Variants in WWC2 observed in about 807,000 individuals in gnomAD.
WWC2 encodes protein WWC2.
Under a neutral mutation model 138.5 loss-of-function variants are expected in WWC2, and 101 were observed. That is an observed-to-expected ratio of 0.73 (90% confidence interval 0.62 to 0.86). WWC2 has a LOEUF of 0.86. Among genes scored for constraint, WWC2 ranks in the 40% least tolerant of loss-of-function variants. The probability of loss-of-function intolerance (pLI) is 0.00; values close to 1 mark genes in which losing one functional copy is unlikely to be tolerated. For synonymous variants in WWC2, 558 were observed against 538.4 expected (o/e 1.04, Z -0.50); for missense variants, 1,420 against 1,419.4 (o/e 1.00, Z -0.01).
chr4:183,244,847 T>C (rs1004850986), intron 5 of WWC2, among the ~76,000 whole-genome samples: 1 of 152,034 alleles, frequency 6.6e-6, no homozygotes, highest in African/African-American at 2.4e-5. Flanking sequence ...TTGATAAGGT[T>C]TGGGTTCAGC....
At chr4:183,201,237 A>T (rs1735287616) in intron 2 of WWC2, among the ~76,000 whole-genome samples, 1 of 150,966 alleles carries the variant, frequency 6.6e-6, no homozygotes, top group Non-Finnish European at 1.5e-5. Context: ...TCCATCCTGT[A>T]CATCTCTTGT....
intron 2 of WWC2, among the ~76,000 whole-genome samples, chr4:183,207,159 G>C (rs965628131): frequency 2.0e-5 from 3 of 149,562 alleles, no homozygotes; most frequent in African/African-American, 7.4e-5. Context: ...ACCGTGCCTG[G>C]GTTGCATCCA....
At chr4:183,302,611 G>T (rs1738883499) in intron 21 of WWC2, among the ~76,000 whole-genome samples, 1 of 152,154 alleles carries the variant, frequency 6.6e-6, no homozygotes, top group Non-Finnish European at 1.5e-5. Context: ...TGAGAATTGG[G>T]AGGGAAAGTG....
intron 1 of WWC2, among the ~76,000 whole-genome samples, chr4:183,148,065 A>G (rs1193531039): frequency 6.6e-6 from 1 of 152,172 alleles, no homozygotes; most frequent in Admixed American, 6.5e-5. Context: ...ATTAAAGCCA[A>G]CCTTATACTC....
intron 15 of WWC2, chr4:183,269,692 A>G (rs958511657): frequency 2.8e-6 from 1 of 353,432 alleles, no homozygotes; most frequent in Non-Finnish European, 5.6e-6. Context: ...TCACTGTTAC[A>G]AATTAAAATT....
At chr4:183,296,790 G>A (rs1580161106) in intron 21 of WWC2, among the ~76,000 whole-genome samples, 1 of 151,748 alleles carries the variant, frequency 6.6e-6, no homozygotes, top group Admixed American at 6.6e-5. Flanking sequence ...AAAAATTAGC[G>A]AGGCATGGTG....
intron 1 of WWC2, among the ~76,000 whole-genome samples, chr4:183,112,332 A>T (rs1256725944): frequency 6.6e-6 from 1 of 152,192 alleles, no homozygotes; most frequent in Non-Finnish European, 1.5e-5. Flanking sequence ...ATTCTAAGTT[A>T]TTTGAGAATA....
intron 1 of WWC2, among the ~76,000 whole-genome samples, chr4:183,149,576 C>G (rs540746586): frequency 6.6e-6 from 1 of 150,498 alleles, no homozygotes; most frequent in African/African-American, 2.4e-5. Context: ...GAGCCAAGAT[C>G]GCGCCATTGC....
At chr4:183,273,373 C>T (rs955715328) in intron 16 of WWC2, among the ~76,000 whole-genome samples, 3 of 152,092 alleles carry the variant, frequency 2.0e-5, no homozygotes, top group Admixed American at 6.5e-5. Flanking sequence ...GGCATAATCT[C>T]GGCTAACCAC....
rs1739495558 is a variant in WWC2, at chr4:183,318,035, A to G, written c.*2306A>G. ...ACTAACCCAAATGATTCACAGTGAC[A>G]AAACATTTTAATAACTTGATCACAA... is the stretch of plus-strand genomic sequence containing the variant. On this transcript the variant is annotated 3_prime_UTR_variant, in exon 23 of 23. Coordinates refer to ENST00000403733, the MANE Select transcript of WWC2 (RefSeq NM_024949.6). 6.6e-6 allele frequency: 1 copy of G among 152,222 alleles called. No homozygotes were observed. The highest frequency in any genetic ancestry group is 1.5e-5 in the Non-Finnish European group (1 of 68,020). The allele number at this position is 152,222 out of a possible 1,614,324, so 9.4% of individuals were successfully genotyped here.
intron 16 of WWC2, among the ~76,000 whole-genome samples, chr4:183,277,191 T>C (rs1737887800): frequency 6.8e-6 from 1 of 147,180 alleles, no homozygotes; most frequent in African/African-American, 2.5e-5. Context: ...CCGTGTGATC[T>C]CATTGTTCAA....
intron 1 of WWC2, among the ~76,000 whole-genome samples, chr4:183,149,832 C>G (rs950956871): frequency 6.6e-6 from 1 of 152,096 alleles, no homozygotes; most frequent in African/African-American, 2.4e-5. Context: ...TATCTACTGT[C>G]TAGATCCGTG....
At chr4:183,204,130 T>C (rs529507714) in intron 2 of WWC2, among the ~76,000 whole-genome samples, 2 of 152,342 alleles carry the variant, frequency 1.3e-5, no homozygotes, top group South Asian at 4.1e-4. Flanking sequence ...AGTCTCTGAC[T>C]CCACATGATT....
In WWC2 at chr4:183,286,078, A is replaced by G. The variant is rs1465651457; in HGVS notation, c.3141+19A>G. ...CAAAAGGGTATGTATTCCCTCAGCCACGTCCCACTGTCCCTGGACCAGTCC... is the reference window on the plus strand; with the variant it reads ...CAAAAGGGTATGTATTCCCTCAGCCGCGTCCCACTGTCCCTGGACCAGTCC... On this transcript the variant is annotated intron_variant, in intron 20 of 22. Coordinates refer to ENST00000403733, the MANE Select transcript of WWC2 (RefSeq NM_024949.6). 1.3e-5 allele frequency: 20 copies of G among 1,553,804 alleles called. No homozygotes were observed. Among genetic ancestry groups the G allele is most frequent in the Non-Finnish European group, 1.7e-5 (19 of 1,146,412 alleles).
intron 15 of WWC2, chr4:183,269,589 G>T (rs754313240): frequency 2.9e-4 from 132 of 450,584 alleles, no homozygotes; most frequent in Non-Finnish European, 5.9e-4. Context: ...TTCAGATAAG[G>T]AGCTGCTTAG....
At chr4:183,127,747 GTACAA>G (rs1368352758) in intron 1 of WWC2, among the ~76,000 whole-genome samples, 3 of 151,924 alleles carry the variant, frequency 2.0e-5, no homozygotes, top group African/African-American at 4.8e-5. Flanking sequence ...CCTTAAATGT[GTACAA>G]TACAATTTTT....
At chr4:183,245,016 G>A (rs927527895) in intron 5 of WWC2, among the ~76,000 whole-genome samples, 1 of 152,010 alleles carries the variant, frequency 6.6e-6, no homozygotes, top group Non-Finnish European at 1.5e-5. Context: ...TGCGGATCAC[G>A]AGGTCAGGAG....
intron 4 of WWC2, among the ~76,000 whole-genome samples, chr4:183,216,953 A>G (rs1735776360): frequency 6.6e-6 from 1 of 152,164 alleles, no homozygotes; most frequent in South Asian, 2.1e-4. Context: ...AGGGCTGGGA[A>G]TAGTTTGTGT....
At chr4:183,233,301 A>G (rs190066256) in intron 4 of WWC2, among the ~76,000 whole-genome samples, 17 of 151,058 alleles carry the variant, frequency 1.1e-4, no homozygotes, top group Admixed American at 9.9e-4. Context: ...GGATTAAGGC[A>G]CCTGCCACCA....
Sources: allele counts gnomAD v4.1 joint callset (sites outside exome capture counted in the v4.1 genomes callset), GRCh38; gene constraint gnomAD v4.1.1; transcripts MANE v1.5; gene names NCBI Gene and HGNC (gene_info 2026-07-23, HGNC 2026-07-21).